The following TESC variants were observed in gnomAD, a reference collection of about 807,000 sequenced individuals.
TESC encodes the protein calcineurin B homologous protein 3.
In TESC, 19 loss-of-function variants were observed where a neutral mutation model predicts 31.0. That is an observed-to-expected ratio of 0.61 (90% CI 0.43 to 0.90). The LOEUF (loss-of-function observed/expected upper bound fraction) is 0.90. TESC is among the 40% of genes least tolerant of loss of function. The pLI, the probability that TESC is intolerant of heterozygous loss-of-function variation, is 0.00. For missense variants in TESC, 248 were observed against 303.8 expected (o/e 0.82, Z 1.36); for synonymous variants, 109 against 114.8 (o/e 0.95, Z 0.32).
chr12:117,079,298 A>T (rs1293379964), intron 1 of TESC, among the ~76,000 whole-genome samples: 2 of 152,194 alleles, frequency 1.3e-5, no homozygotes, highest in African/African-American at 4.8e-5. Flanking sequence ...GTGGTGGCTC[A>T]TGCCTGTAAT....
chr12:117,093,781 ATTTT>A (rs35866896), intron 1 of TESC, among the ~76,000 whole-genome samples: 2 of 141,586 alleles, frequency 1.4e-5, no homozygotes, highest in South Asian at 2.3e-4. Context: ...AGGTCTGGAG[ATTTT>A]TTTTTTTTTT....
chr12:117,052,817 C>T (rs968720083), intron 3 of TESC, among the ~76,000 whole-genome samples: 4 of 151,560 alleles, frequency 2.6e-5, no homozygotes, highest in Non-Finnish European at 5.9e-5. Context: ...CCTTTTCTCT[C>T]CTGGCCTCTG....
At chr12:117,054,565 C>T (rs565181518) in intron 3 of TESC, among the ~76,000 whole-genome samples, 11 of 152,250 alleles carry the variant, frequency 7.2e-5, no homozygotes, top group African/African-American at 2.4e-4. Context: ...GTCACTCTCT[C>T]GCCAGGCCTT....
In TESC at chr12:117,039,060, C is replaced by A; in HGVS notation, c.*73G>T. ...CTGCAGGAAGAGGCTGTCCGCCGGG[C>A]CTGGGCTGCTCCAGCTACGCGGGGA... On this transcript the variant is annotated 3_prime_UTR_variant, in exon 8 of 8. Transcript: ENST00000335209. The A allele has an allele frequency of 1.3e-6, 2 of 1,547,536 alleles. No individual in the cohort carries two copies. Among genetic ancestry groups the A allele is most frequent in the Non-Finnish European group, 1.8e-6 (2 of 1,134,594 alleles).
At chr12:117,075,378 A>G (rs1055878119) in intron 1 of TESC, 38 bp from the exon 2 acceptor site, 2 of 1,598,922 alleles carry the variant, frequency 1.3e-6, no homozygotes, top group East Asian at 2.2e-5. Context: ...CAAGACAGAA[A>G]AAAAAATCAC....
chr12:117,085,226 A>G (rs1955203364), intron 1 of TESC, among the ~76,000 whole-genome samples: 1 of 152,138 alleles, frequency 6.6e-6, no homozygotes, highest in African/African-American at 2.4e-5. Context: ...GGTAGAAAAC[A>G]GGCAGGGAAT....
chr12:117,074,355 G>A (rs1190686533), intron 2 of TESC, among the ~76,000 whole-genome samples: 1 of 152,098 alleles, frequency 6.6e-6, no homozygotes. Flanking sequence ...GCAACGGAGT[G>A]AGACCGTGTC....
At chr12:117,067,203 G>A (rs996823472) in intron 2 of TESC, among the ~76,000 whole-genome samples, 1 of 152,132 alleles carries the variant, frequency 6.6e-6, no homozygotes, top group African/African-American at 2.4e-5. Context: ...ATTAAATTCT[G>A]ATGGTGAAAC....
chr12:117,042,232 GC>G (rs911603367), intron 6 of TESC, among the ~76,000 whole-genome samples: 4 of 152,170 alleles, frequency 2.6e-5, no homozygotes, highest in African/African-American at 9.6e-5. Flanking sequence ...TGGGAGCCGA[GC>G]GTCGCTCACC....
intron 3 of TESC, among the ~76,000 whole-genome samples, chr12:117,054,524 T>G (rs149931029): frequency 1.3e-5 from 2 of 152,208 alleles, no homozygotes; most frequent in Admixed American, 1.3e-4. Context: ...GCCTGGAACC[T>G]TCTCTCCCTG....
At chr12:117,040,768 C>A (rs1304600643) in intron 7 of TESC, among the ~76,000 whole-genome samples, 1 of 152,186 alleles carries the variant, frequency 6.6e-6, no homozygotes, top group Admixed American at 6.5e-5. Context: ...CACAGCCAGG[C>A]CCTGCTGCCT....
chr12:117,050,159 A>G (rs1350178182), intron 3 of TESC, among the ~76,000 whole-genome samples: 1 of 152,118 alleles, frequency 6.6e-6, no homozygotes, highest in Non-Finnish European at 1.5e-5. Flanking sequence ...AAAGTCGAAT[A>G]GTATTTCATG....
rs184677758 is a variant in TESC at position 117,054,877 on chromosome 12, G to A, written c.209+1929C>T. Among the ~76,000 whole-genome samples, 585 of 152,204 alleles carry A rather than the reference G, an allele frequency of 3.8e-3. 2 individuals are homozygous for A. Among genetic ancestry groups the A allele is most frequent in the African/African-American group, 0.013 (521 of 41,512 alleles). On this transcript the variant is annotated intron_variant, in intron 3 of 7. Coordinates refer to ENST00000335209, the MANE Select transcript of TESC (RefSeq NM_017899.4). ...GGACCGTGGGGCAAACAGGCTGGCGGGCCTCACTGTGTCTGCCACAGGCCC... is the reference window on the plus strand; with the variant it reads ...GGACCGTGGGGCAAACAGGCTGGCGAGCCTCACTGTGTCTGCCACAGGCCC...
Position 117,099,226 on chromosome 12 carries a change from GCCGGTCTTGC to G in TESC, c.47_56del (p.Gly16AlafsTer17), listed in dbSNP as rs1186918173. The G allele has an allele frequency of 1.3e-6, 2 of 1,482,772 alleles. No homozygotes were observed. The highest frequency in any genetic ancestry group is 2.9e-5 in the African/African-American group (2 of 68,246). 91.9% of individuals were successfully genotyped at this position (1,482,772 alleles called of 1,614,324 possible). The stretch of plus-strand genomic sequence containing the variant: ...GCGCCGCCCCCCGCGGGTACTCACA[GCCGGTCTTGC>G]CCTCGAGCTCCCGCACCTCCTCAGA... On this transcript the variant is annotated frameshift_variant and splice_region_variant, in exon 1 of 8. Transcript: ENST00000335209. LOFTEE classifies it high-confidence loss of function.
At position 117,050,685 on chromosome 12, in the gene TESC, C is replaced by T. The variant is rs554618024; in HGVS notation, c.210-1527G>A. Among the ~76,000 whole-genome samples the T allele has an allele frequency of 3.9e-5, 6 of 152,352 alleles. No individual in the cohort carries two copies. The South Asian group carries it at 1.2e-3, about 32-fold the overall frequency. ...CAATGGCTTACGCCTGTAACCCCTG[C>T]ACTTTGGGAGACTGAGGCAGGCCAA... is the stretch of plus-strand genomic sequence containing the variant. On this transcript the variant is annotated intron_variant, in intron 3 of 7. Transcript: ENST00000335209.
At position 117,070,080 on chromosome 12, in the gene TESC, A is replaced by G. The variant is rs116762968; in HGVS notation, c.128+5191T>C. Among the ~76,000 whole-genome samples the G allele has an allele frequency of 6.1e-3, 926 of 152,340 alleles. 8 individuals are homozygous for G. The highest frequency in any genetic ancestry group is 0.021 in the African/African-American group (882 of 41,582). On this transcript the variant is annotated intron_variant, in intron 2 of 7. Transcript: ENST00000335209. ...ATGTGGGGGAATGTCCCCAGAAAGA[A>G]AAGGAATTTTGTCCATGCTCTGAAA...
chr12:117,095,828 T>C (rs1423203578), intron 1 of TESC, among the ~76,000 whole-genome samples: 1 of 152,002 alleles, frequency 6.6e-6, no homozygotes, highest in Non-Finnish European at 1.5e-5. Flanking sequence ...TGCAGTGAGC[T>C]TGATCATGCC....
intron 1 of TESC, among the ~76,000 whole-genome samples, chr12:117,077,486 T>C (rs570352001): frequency 6.6e-6 from 1 of 152,350 alleles, no homozygotes; most frequent in East Asian, 1.9e-4. Flanking sequence ...GTCATGGCGG[T>C]GCCATTGGAA....
chr12:117,048,124 G>A (rs1443083747), intron 4 of TESC, among the ~76,000 whole-genome samples: 1 of 152,142 alleles, frequency 6.6e-6, no homozygotes, highest in Non-Finnish European at 1.5e-5. Context: ...CCAACCCCAA[G>A]AGGCCAGGGA....
Sources: gnomAD v4.1 joint callset for allele counts (sites outside exome capture counted in the v4.1 genomes callset) on GRCh38, gnomAD v4.1.1 for gene constraint, MANE v1.5 for transcripts, NCBI Gene and HGNC (gene_info 2026-07-23, HGNC 2026-07-21) for gene names.